Variants in PRPSAP2 observed in about 807,000 individuals in gnomAD.
The protein encoded by PRPSAP2 is phosphoribosyl pyrophosphate synthase-associated protein 2.
PRPSAP2 carries 24 observed loss-of-function variants against 40.6 expected under a neutral mutation model. The ratio of observed to expected loss-of-function variants is 0.59; its 90% CI spans 0.43 to 0.83. The LOEUF (loss-of-function observed/expected upper bound fraction) is 0.83. Among genes scored for constraint, PRPSAP2 ranks in the 40% least tolerant of loss-of-function variants. The probability of loss-of-function intolerance (pLI) is 0.00; values close to 1 mark genes in which losing one functional copy is unlikely to be tolerated. For synonymous variants in PRPSAP2, 149 were observed against 164.7 expected, an observed-to-expected ratio of 0.90 and a Z score of 0.73; for missense variants, 292 against 465.6, an observed-to-expected ratio of 0.63 and a Z score of 3.43.
intron 8 of PRPSAP2, among the ~76,000 whole-genome samples, chr17:18,898,367 C>T (rs1203039712): frequency 1.3e-5 from 2 of 152,164 alleles, no homozygotes; most frequent in African/African-American, 2.4e-5. Flanking sequence ...ATTATATTTA[C>T]AGGTATTTTT....
At chr17:18,927,355 C>T (rs9905208) in intron 10 of PRPSAP2, among the ~76,000 whole-genome samples, 27,362 of 152,108 alleles carry the variant, frequency 0.18, 2,701 homozygotes, top group African/African-American at 0.25. Flanking sequence ...TGATCTGTCC[C>T]CTGTCTTTCT....
chr17:18,900,755 A>G (rs1156945001), intron 8 of PRPSAP2, among the ~76,000 whole-genome samples: 1 of 152,018 alleles, frequency 6.6e-6, no homozygotes, highest in Non-Finnish European at 1.5e-5. Context: ...TCATGGGTGG[A>G]AATGCTCCCT....
At chr17:18,896,039 A>G (rs2039888648) in intron 8 of PRPSAP2, among the ~76,000 whole-genome samples, 1 of 152,076 alleles carries the variant, frequency 6.6e-6, no homozygotes, top group South Asian at 2.1e-4. Flanking sequence ...CTGAAGTTCT[A>G]GAATTAAAAG....
chr17:18,917,943 G>C (rs2041463981), intron 9 of PRPSAP2, among the ~76,000 whole-genome samples: 1 of 152,050 alleles, frequency 6.6e-6, no homozygotes, highest in South Asian at 2.1e-4. Context: ...GTGAGGCTCT[G>C]CTTTTCAGCA....
chr17:18,861,535 C>A (rs1460536464), intron 1 of PRPSAP2: 1 of 151,634 alleles, frequency 6.6e-6, no homozygotes, highest in Non-Finnish European at 1.5e-5. Context: ...AGTGAATAGT[C>A]ACAAAACATG....
chr17:18,892,688 AGTGTGTGTGT>A lies in PRPSAP2; in HGVS notation c.584+2842_584+2851del, dbSNP rs3043879. ...TCAATCCTTCTGCCTCAGCCTGTTG[AGTGTGTGTGT>A]GTGTGTGTGTGTGTGTGTGTGTGTG... On this transcript the variant is annotated intron_variant, in intron 8 of 11. Transcript: ENST00000268835. Among the ~76,000 whole-genome samples the A allele has an allele frequency of 6.6e-4, 50 of 75,400 alleles. No individual in the cohort carries two copies. In the East Asian group the frequency reaches 0.011, roughly 17 times the overall value. 49.5% of individuals were successfully genotyped at this position (75,400 alleles called of 152,430 possible).
chr17:18,880,015 G>T (rs1308397092), intron 6 of PRPSAP2, among the ~76,000 whole-genome samples: 1 of 152,068 alleles, frequency 6.6e-6, no homozygotes, highest in East Asian at 1.9e-4. Context: ...AGAATTGCTT[G>T]AACCCGGGAG....
chr17:18,907,373 A>G (rs1243086027), intron 8 of PRPSAP2, among the ~76,000 whole-genome samples: 2 of 152,316 alleles, frequency 1.3e-5, no homozygotes, highest in East Asian at 3.9e-4. Flanking sequence ...AACATTTATA[A>G]ACTAAATGAC....
intron 8 of PRPSAP2, among the ~76,000 whole-genome samples, chr17:18,890,096 A>G (rs530169346): frequency 2.9e-3 from 440 of 151,794 alleles, no homozygotes; most frequent in Non-Finnish European, 5.5e-3. Context: ...TGATTGCCAG[A>G]CATACTTCCT....
At chr17:18,925,035 G>T (rs1419856623) in intron 10 of PRPSAP2, among the ~76,000 whole-genome samples, 2 of 151,430 alleles carry the variant, frequency 1.3e-5, no homozygotes, top group Non-Finnish European at 2.9e-5. Context: ...TTGGAGAATC[G>T]CTTGAATCTG....
intron 3 of PRPSAP2, among the ~76,000 whole-genome samples, chr17:18,866,644 T>A (rs1288432841): frequency 6.6e-6 from 1 of 152,196 alleles, no homozygotes; most frequent in Non-Finnish European, 1.5e-5. Flanking sequence ...TAAACAAATA[T>A]TGTACCCCTA....
chr17:18,866,388 C>T (rs2151883512), intron 3 of PRPSAP2, among the ~76,000 whole-genome samples: 1 of 152,196 alleles, frequency 6.6e-6, no homozygotes, highest in East Asian at 1.9e-4. Flanking sequence ...CAAGGTGAAA[C>T]CCCGCGTCTA....
intron 10 of PRPSAP2, among the ~76,000 whole-genome samples, chr17:18,926,532 G>T (rs2041986820): frequency 6.6e-6 from 1 of 152,108 alleles, no homozygotes; most frequent in South Asian, 2.1e-4. Flanking sequence ...CTCCCAAAGT[G>T]CTGGGATTAC....
intron 1 of PRPSAP2, among the ~76,000 whole-genome samples, chr17:18,863,109 C>T (rs994507571): frequency 1.3e-5 from 2 of 151,934 alleles, no homozygotes; most frequent in Non-Finnish European, 2.9e-5. Flanking sequence ...CATGAGCCAC[C>T]GTGCCCGGCA....
Position 18,911,881 on chromosome 17 carries a change from C to G in PRPSAP2, c.733+630C>G, listed in dbSNP as rs2040977744. Reference sequence around the variant, plus strand: ...GGCTGTGAAGGTCAAGATAAAGGCGCCAGCACTGACCCCGTGATGGGCCGG... The same window carrying G: ...GGCTGTGAAGGTCAAGATAAAGGCGGCAGCACTGACCCCGTGATGGGCCGG... On this transcript the variant is annotated intron_variant, in intron 9 of 11. Transcript: ENST00000268835. This position sits in a 1 kb window ranked among gnomAD's most constrained non-coding sequence, Gnocchi z 4.5. Among the ~76,000 whole-genome samples, 1 of 152,206 alleles carries G rather than the reference C, an allele frequency of 6.6e-6. No homozygotes were observed. Among genetic ancestry groups the G allele is most frequent in the Non-Finnish European group, 1.5e-5 (1 of 68,042 alleles).
chr17:18,862,303 G>T (rs1398694334), intron 1 of PRPSAP2, among the ~76,000 whole-genome samples: 1 of 152,110 alleles, frequency 6.6e-6, no homozygotes, highest in Non-Finnish European at 1.5e-5. Flanking sequence ...CCTACAGATG[G>T]GCTTTGAACA....
intron 7 of PRPSAP2, among the ~76,000 whole-genome samples, chr17:18,884,414 C>T (rs2038986294): frequency 6.6e-6 from 1 of 152,168 alleles, no homozygotes; most frequent in East Asian, 1.9e-4. Context: ...TGATAGCTCA[C>T]TGCAACCTTG....
chr17:18,869,911 A>T (rs1206378056), intron 4 of PRPSAP2, among the ~76,000 whole-genome samples: 1 of 147,894 alleles, frequency 6.8e-6, no homozygotes, highest in Non-Finnish European at 1.5e-5. Context: ...ACAGTGGCGC[A>T]ATCTTGGCTC....
intron 6 of PRPSAP2, among the ~76,000 whole-genome samples, chr17:18,880,562 C>A (rs775015131): frequency 6.6e-6 from 1 of 152,082 alleles, no homozygotes; most frequent in Non-Finnish European, 1.5e-5. Flanking sequence ...CATGCATCAC[C>A]ATACCTGACT....
Sources: allele counts gnomAD v4.1 joint callset (sites outside exome capture counted in the v4.1 genomes callset), GRCh38; gene constraint gnomAD v4.1.1; non-coding constraint Gnocchi (gnomAD v3.1); transcripts MANE v1.5; gene names NCBI Gene and HGNC (gene_info 2026-07-23, HGNC 2026-07-21).